The following COL24A1 variants were observed in gnomAD, a reference collection of about 807,000 sequenced individuals.
The protein encoded by COL24A1 is collagen type XXIV alpha 1 chain.
Under a neutral mutation model 253.9 loss-of-function variants are expected in COL24A1, and 224 were observed. The observed-to-expected ratio is 0.88, with a 90% confidence interval of 0.79 to 0.99. The LOEUF is 0.99. COL24A1 is among the 50% of genes least tolerant of loss of function. COL24A1 has a pLI of 0.00. For missense variants in COL24A1, 2,131 were observed against 2,068.5 expected (o/e 1.03, Z -0.59); for synonymous variants, 685 against 673.7 (o/e 1.02, Z -0.26).
chr1:86,064,582 T>C (rs1333768753), intron 7 of COL24A1, among the ~76,000 whole-genome samples: 1 of 152,292 alleles, frequency 6.6e-6, no homozygotes, highest in East Asian at 1.9e-4. Context: ...AAATTCCTTT[T>C]CTTAAGGACT....
chr1:86,147,888 A>C (rs1452183852), intron 1 of COL24A1, among the ~76,000 whole-genome samples: 2 of 152,234 alleles, frequency 1.3e-5, no homozygotes, highest in African/African-American at 4.8e-5. Context: ...TTCCTACTGC[A>C]CTAGGTCAGT....
At chr1:85,924,661 G>A (rs997760043) in intron 24 of COL24A1, among the ~76,000 whole-genome samples, 1 of 152,150 alleles carries the variant, frequency 6.6e-6, no homozygotes, top group African/African-American at 2.4e-5. Context: ...GGTATTGATG[G>A]AACATATCTC....
chr1:85,739,811 T>A (rs1664414822), intron 57 of COL24A1, among the ~76,000 whole-genome samples: 1 of 152,126 alleles, frequency 6.6e-6, no homozygotes, highest in Non-Finnish European at 1.5e-5. Flanking sequence ...ACCCTCCCCC[T>A]ACCCTCGTAC....
chr1:86,077,379 C>A (rs1025182490), intron 7 of COL24A1, among the ~76,000 whole-genome samples: 2 of 152,188 alleles, frequency 1.3e-5, no homozygotes, highest in African/African-American at 4.8e-5. Context: ...AAAGCTTTTA[C>A]ACTGTTGGTT....
chr1:85,915,799 G>GCTGC (rs1685841258), intron 24 of COL24A1, among the ~76,000 whole-genome samples: 9 of 152,108 alleles, frequency 5.9e-5, no homozygotes, highest in Non-Finnish European at 1.2e-4. Flanking sequence ...CAGGCACAGA[G>GCTGC]CACCGTGCCC....
At chr1:86,136,510 A>C (rs1650274450) in intron 2 of COL24A1, among the ~76,000 whole-genome samples, 1 of 152,126 alleles carries the variant, frequency 6.6e-6, no homozygotes, top group Admixed American at 6.6e-5. Flanking sequence ...AAGGCCAAAA[A>C]TGGGAAGATA....
chr1:86,014,047 C>T (rs1696778484), intron 19 of COL24A1, among the ~76,000 whole-genome samples: 1 of 152,158 alleles, frequency 6.6e-6, no homozygotes, highest in Non-Finnish European at 1.5e-5. Flanking sequence ...CTTTCAACTT[C>T]TTTCTTCTTT....
chr1:85,733,833 G>T (rs1236749413), intron 59 of COL24A1, among the ~76,000 whole-genome samples: 1 of 151,420 alleles, frequency 6.6e-6, no homozygotes, highest in Non-Finnish European at 1.5e-5. Context: ...ACCCGCCTCA[G>T]CCTCCCAAAG....
chr1:86,113,012 G>A (rs987851408), intron 4 of COL24A1, among the ~76,000 whole-genome samples: 2 of 152,046 alleles, frequency 1.3e-5, no homozygotes, highest in African/African-American at 4.8e-5. Flanking sequence ...TTAGCCCCAG[G>A]ATTATAAATT....
intron 8 of COL24A1, among the ~76,000 whole-genome samples, chr1:86,061,714 C>T (rs1376888528): frequency 6.6e-6 from 1 of 152,040 alleles, no homozygotes; most frequent in East Asian, 1.9e-4. Context: ...ATCACTGAGA[C>T]AACCACAGAA....
intron 22 of COL24A1, among the ~76,000 whole-genome samples, chr1:85,966,478 T>A (rs1228194008): frequency 6.6e-6 from 1 of 152,060 alleles, no homozygotes; most frequent in African/African-American, 2.4e-5. Flanking sequence ...GTATTTAAAG[T>A]CCTAGGGTGG....
At chr1:86,019,316 G>A (rs1246838621) in intron 18 of COL24A1, among the ~76,000 whole-genome samples, 1 of 152,000 alleles carries the variant, frequency 6.6e-6, no homozygotes, top group East Asian at 1.9e-4. Context: ...CACATTCTAG[G>A]AGGCCGAGGT....
chr1:86,049,815 T>C (rs1700171813), intron 11 of COL24A1, among the ~76,000 whole-genome samples: 2 of 152,152 alleles, frequency 1.3e-5, no homozygotes, highest in Admixed American at 6.6e-5. Flanking sequence ...TCTTGACATA[T>C]ACTTTTGTAA....
chr1:85,830,664 G>A (rs895971125), intron 43 of COL24A1, among the ~76,000 whole-genome samples: 2 of 152,096 alleles, frequency 1.3e-5, no homozygotes, highest in African/African-American at 2.4e-5. Flanking sequence ...CGCAGTATTC[G>A]GGTCAGAGTG....
At chr1:85,925,582 C>T (rs1208110593) in intron 24 of COL24A1, among the ~76,000 whole-genome samples, 2 of 152,140 alleles carry the variant, frequency 1.3e-5, no homozygotes, top group Non-Finnish European at 2.9e-5. Flanking sequence ...AAAGGATTCC[C>T]TATTTAATAA....
At chr1:85,891,827 G>A (rs889193143) in intron 31 of COL24A1, among the ~76,000 whole-genome samples, 2 of 152,128 alleles carry the variant, frequency 1.3e-5, no homozygotes, top group African/African-American at 4.8e-5. Flanking sequence ...CTGCATAAAA[G>A]CTCTTTTGCA....
At chr1:85,983,774 GAAACAA>G (rs1693463732) in intron 20 of COL24A1, among the ~76,000 whole-genome samples, 1 of 151,764 alleles carries the variant, frequency 6.6e-6, no homozygotes, top group African/African-American at 2.4e-5. Context: ...TCTGTTTCTA[GAAACAA>G]TTTCAACAAA....
rs757435313 is a variant in COL24A1, at chr1:85,887,461, CA to C, written c.2976+2098del. ...GTACGTGTGTGATTAAAATCTACAT[CA>C]GGGGTCAGCAAACTTTTTTTTTTTT... is the stretch of plus-strand genomic sequence containing the variant. On this transcript the variant is annotated intron_variant, in intron 32 of 59. Transcript: ENST00000370571. Among the ~76,000 whole-genome samples, 43 of 151,606 alleles carry C rather than the reference CA, an allele frequency of 2.8e-4. 1 individual carries two copies. Among genetic ancestry groups the C allele is most frequent in the Admixed American group, 1.4e-3 (21 of 15,234 alleles).
intron 37 of COL24A1, among the ~76,000 whole-genome samples, chr1:85,856,021 C>T (rs770649006): frequency 1.1e-4 from 17 of 151,924 alleles, no homozygotes; most frequent in East Asian, 1.9e-4. Context: ...TTTGTATTTC[C>T]GTGGTATTGA....
Sources: allele counts gnomAD v4.1 joint callset (sites outside exome capture counted in the v4.1 genomes callset), GRCh38; gene constraint gnomAD v4.1.1; transcripts MANE v1.5; gene names NCBI Gene and HGNC (gene_info 2026-07-23, HGNC 2026-07-21).